The following HS3ST2 variants were observed in gnomAD, a reference collection of about 807,000 sequenced individuals.
HS3ST2 encodes heparan sulfate-glucosamine 3-sulfotransferase 2, also known as heparan sulfate glucosamine 3-O-sulfotransferase 2.
Under a neutral mutation model 26.3 loss-of-function variants are expected in HS3ST2, and 17 were observed. The observed-to-expected ratio is 0.65, with a 90% CI of 0.44 to 0.97. The LOEUF is 0.97. Among genes scored for constraint, HS3ST2 ranks in the 50% least tolerant of loss-of-function variants. The pLI, the probability that HS3ST2 is intolerant of heterozygous loss-of-function variation, is 0.00. For synonymous variants in HS3ST2, 237 were observed against 219.2 expected (o/e 1.08, Z -0.72); for missense variants, 402 against 501.2 (o/e 0.80, Z 1.89).
intron 1 of HS3ST2, among the ~76,000 whole-genome samples, chr16:22,818,301 A>C (rs1357983721): frequency 6.6e-6 from 1 of 152,204 alleles, no homozygotes; most frequent in Non-Finnish European, 1.5e-5. Context: ...TATGATTTGA[A>C]GAAAGGTGAT....
chr16:22,913,048 A>C (rs1902442604), intron 1 of HS3ST2, among the ~76,000 whole-genome samples: 1 of 151,762 alleles, frequency 6.6e-6, no homozygotes, highest in Non-Finnish European at 1.5e-5. Flanking sequence ...CCTTCCCTGA[A>C]TATTTTGAAT....
chr16:22,838,582 A>G (rs1901307018), intron 1 of HS3ST2, among the ~76,000 whole-genome samples: 1 of 152,160 alleles, frequency 6.6e-6, no homozygotes. Context: ...TGTTATGAAA[A>G]GCTATCGATT....
At chr16:22,820,883 T>A (rs1334662797) in intron 1 of HS3ST2, among the ~76,000 whole-genome samples, 1 of 152,230 alleles carries the variant, frequency 6.6e-6, no homozygotes, top group Non-Finnish European at 1.5e-5. Context: ...GTCTTTAACA[T>A]CTCTGAAATT....
chr16:22,893,379 A>G (rs1482691717), intron 1 of HS3ST2, among the ~76,000 whole-genome samples: 2 of 152,206 alleles, frequency 1.3e-5, no homozygotes, highest in Non-Finnish European at 2.9e-5. Flanking sequence ...TCATCCTTCA[A>G]TATGCTAGTG....
chr16:22,868,935 A>G (rs1901794605), intron 1 of HS3ST2, among the ~76,000 whole-genome samples: 2 of 152,070 alleles, frequency 1.3e-5, no homozygotes, highest in African/African-American at 4.8e-5. Flanking sequence ...CAGCAGTTTT[A>G]GGAGGCTCCA....
Position 22,874,471 on chromosome 16 carries a change from C to T in HS3ST2, c.486-40473C>T, listed in dbSNP as rs538237908. 6.6e-5 allele frequency among the ~76,000 whole-genome samples: 10 copies of T among 152,312 alleles called. No individual in the cohort carries two copies. The South Asian group carries it at 2.1e-3, about 32-fold the overall frequency. On this transcript the variant is annotated intron_variant, in intron 1 of 1. Transcript: ENST00000261374. ...AAGCCTAGACACCGCTGTCCTCAAG[C>T]CTGGTTTCCCAGCGATCACGTCTGA...
intron 1 of HS3ST2, among the ~76,000 whole-genome samples, chr16:22,873,307 A>G (rs1300186395): frequency 1.3e-5 from 2 of 152,138 alleles, no homozygotes; most frequent in Non-Finnish European, 1.5e-5. Flanking sequence ...CAGGTTATTA[A>G]ATGGGAGTGG....
intron 1 of HS3ST2, among the ~76,000 whole-genome samples, chr16:22,895,276 G>A (rs540477596): frequency 2.4e-4 from 37 of 152,192 alleles, no homozygotes; most frequent in Non-Finnish European, 4.0e-4. Flanking sequence ...TTTCAGTAGA[G>A]ACAGGGTTTC....
At chr16:22,828,852 C>G (rs1029644015) in intron 1 of HS3ST2, among the ~76,000 whole-genome samples, 1 of 152,210 alleles carries the variant, frequency 6.6e-6, no homozygotes, top group African/African-American at 2.4e-5. Context: ...CAAACATCTC[C>G]ATTAACAAGA....
intron 1 of HS3ST2, among the ~76,000 whole-genome samples, chr16:22,871,625 CAG>C (rs1450648533): frequency 6.6e-6 from 1 of 152,136 alleles, no homozygotes; most frequent in African/African-American, 2.4e-5. Flanking sequence ...CTCCATAGGT[CAG>C]AGATTGTGTT....
chr16:22,891,156 G>T (rs554632576), intron 1 of HS3ST2, among the ~76,000 whole-genome samples: 1 of 152,274 alleles, frequency 6.6e-6, no homozygotes, highest in South Asian at 2.1e-4. Context: ...ACATTCAGCT[G>T]CATGTTTTGC....
intron 1 of HS3ST2, among the ~76,000 whole-genome samples, chr16:22,819,256 G>A (rs1013814304): frequency 6.7e-6 from 1 of 148,696 alleles, no homozygotes; most frequent in Non-Finnish European, 1.5e-5. Context: ...ACATATCTGG[G>A]TGTCAGTCTG....
intron 1 of HS3ST2, among the ~76,000 whole-genome samples, chr16:22,888,677 G>C (rs1302487011): frequency 6.6e-6 from 1 of 151,888 alleles, no homozygotes; most frequent in Non-Finnish European, 1.5e-5. Flanking sequence ...GTGCCACCGC[G>C]CCTGGCTCCG....
chr16:22,819,036 T>C (rs1295576517), intron 1 of HS3ST2, among the ~76,000 whole-genome samples: 1 of 30,506 alleles, frequency 3.3e-5, no homozygotes, highest in Admixed American at 2.8e-4. Flanking sequence ...CCTTCCTTCC[T>C]TCATTCCTTC....
intron 1 of HS3ST2, among the ~76,000 whole-genome samples, chr16:22,834,549 G>C (rs1901223653): frequency 6.6e-6 from 1 of 151,974 alleles, no homozygotes. Context: ...CCTACTGATA[G>C]ACATTTAGAT....
chr16:22,871,664 C>T (rs1300933819), intron 1 of HS3ST2, among the ~76,000 whole-genome samples: 3 of 152,242 alleles, frequency 2.0e-5, no homozygotes, highest in Admixed American at 6.5e-5. Flanking sequence ...TCTCTAGGCT[C>T]GGGAACAGTA....
chr16:22,912,167 G>A (rs1176597682), intron 1 of HS3ST2, among the ~76,000 whole-genome samples: 1 of 152,080 alleles, frequency 6.6e-6, no homozygotes, highest in Admixed American at 6.5e-5. Context: ...GGTTCTGGGC[G>A]GACATATCTT....
chr16:22,874,687 C>T (rs1901887999), intron 1 of HS3ST2, among the ~76,000 whole-genome samples: 1 of 152,216 alleles, frequency 6.6e-6, no homozygotes, highest in Admixed American at 6.5e-5. Flanking sequence ...CTGTTACAGT[C>T]AAGACAGTAC....
intron 1 of HS3ST2, among the ~76,000 whole-genome samples, chr16:22,868,597 T>C (rs1901789641): frequency 6.6e-6 from 1 of 152,072 alleles, no homozygotes; most frequent in Non-Finnish European, 1.5e-5. Context: ...AGCAGTTAAG[T>C]TTCAGATCCA....
Sources: allele counts gnomAD v4.1 joint callset (sites outside exome capture counted in the v4.1 genomes callset), GRCh38; gene constraint gnomAD v4.1.1; transcripts MANE v1.5; gene names NCBI Gene and HGNC (gene_info 2026-07-23, HGNC 2026-07-21).